Variants in CCDC93 observed in about 807,000 individuals in gnomAD.
The protein encoded by CCDC93 is CCC complex scaffolding subunit CCDC93.
Under a neutral mutation model 108.2 loss-of-function variants are expected in CCDC93, and 61 were observed. The observed-to-expected ratio is 0.56, with a 90% CI of 0.46 to 0.70. CCDC93 has a LOEUF of 0.70. Among genes scored for constraint, CCDC93 ranks in the 30% least tolerant of loss-of-function variants. CCDC93 has a pLI of 0.00. For synonymous variants in CCDC93, 276 were observed against 260.4 expected (o/e 1.06, Z -0.58); for missense variants, 685 against 764.2 (o/e 0.90, Z 1.22).
chr2:117,922,942 G>A (rs1677925236), intron 23 of CCDC93, among the ~76,000 whole-genome samples: 1 of 151,978 alleles, frequency 6.6e-6, no homozygotes, highest in Non-Finnish European at 1.5e-5. Flanking sequence ...AAGAGCTTGT[G>A]GGAGAAAGAT....
At chr2:117,973,226 G>T (rs1679820936) in intron 11 of CCDC93, among the ~76,000 whole-genome samples, 2 of 152,090 alleles carry the variant, frequency 1.3e-5, no homozygotes, top group African/African-American at 4.8e-5. Context: ...GGAAAGCAAA[G>T]CTGGATGCTT....
intron 23 of CCDC93, chr2:117,921,723 G>A (rs1677878005): frequency 6.6e-6 from 1 of 152,220 alleles, no homozygotes; most frequent in Non-Finnish European, 1.5e-5. Context: ...GCAGTGTGAT[G>A]GCAGCATGAC....
rs1677727266 is a variant in CCDC93, at chr2:117,917,622, C to G, written c.*2721G>C. 1 of 152,276 alleles carries G rather than the reference C, an allele frequency of 6.6e-6. No homozygotes were observed. Among genetic ancestry groups the G allele is most frequent in the African/African-American group, 2.4e-5 (1 of 41,452 alleles). The allele number at this position is 152,276 out of a possible 1,614,324, so 9.4% of individuals were successfully genotyped here. ...ACAACCCTCAGTGTGACTCTGACGA[C>G]TGTTTAACATTCTGTACCTCCCTCT... On this transcript the variant is annotated 3_prime_UTR_variant, in exon 24 of 24. Transcript: ENST00000376300.
At chr2:117,945,064 A>G (rs1678823722) in intron 17 of CCDC93, among the ~76,000 whole-genome samples, 1 of 152,246 alleles carries the variant, frequency 6.6e-6, no homozygotes, top group African/African-American at 2.4e-5. Flanking sequence ...ATTCATTTAC[A>G]GATCAACTAT....
At chr2:117,930,891 C>T in intron 23 of CCDC93, 146 bp downstream of exon 23, 1 of 576,102 alleles carries the variant, frequency 1.7e-6, no homozygotes, top group Non-Finnish European at 3.1e-6. Context: ...CTAGACGCCA[C>T]ACTTCACTGC....
At chr2:117,938,552 CAAGAAA>C (rs1678593123) in intron 20 of CCDC93, among the ~76,000 whole-genome samples, 1 of 44,232 alleles carries the variant, frequency 2.3e-5, no homozygotes, top group Non-Finnish European at 4.2e-5. Flanking sequence ...AAAAAAAAGA[CAAGAAA>C]AAAAAAAAAA....
intron 6 of CCDC93, among the ~76,000 whole-genome samples, chr2:117,989,266 C>G (rs373941901): frequency 2.7e-4 from 41 of 152,260 alleles, no homozygotes; most frequent in African/African-American, 6.5e-4. Flanking sequence ...CAGACTCCCC[C>G]CTGTGTGATG....
intron 18 of CCDC93, among the ~76,000 whole-genome samples, chr2:117,941,739 G>C (rs111686729): frequency 6.6e-6 from 1 of 152,162 alleles, no homozygotes; most frequent in Non-Finnish European, 1.5e-5. Flanking sequence ...TGGTTAAAAA[G>C]CTCCTGCAAC....
intron 23 of CCDC93, among the ~76,000 whole-genome samples, chr2:117,929,979 G>A (rs1475102994): frequency 5.3e-5 from 8 of 152,304 alleles, no homozygotes; most frequent in South Asian, 2.1e-4. Flanking sequence ...CCACCACAGC[G>A]TATGCTCCTT....
intron 6 of CCDC93, among the ~76,000 whole-genome samples, chr2:117,993,413 A>AT (rs1175183856): frequency 6.8e-6 from 1 of 147,380 alleles, no homozygotes; most frequent in Non-Finnish European, 1.5e-5. Context: ...AAAAAAAATT[A>AT]ATGTTTGAAT....
chr2:118,004,243 A>C (rs1344001610), intron 3 of CCDC93, among the ~76,000 whole-genome samples: 1 of 152,250 alleles, frequency 6.6e-6, no homozygotes, highest in Non-Finnish European at 1.5e-5. Context: ...AGTGCTTGGA[A>C]CACAGATGCC....
At chr2:117,951,055 T>C in intron 13 of CCDC93, 1 of 966,454 alleles carries the variant, frequency 1.0e-6, no homozygotes, top group Non-Finnish European at 1.2e-6. Flanking sequence ...ATTTAGTATT[T>C]AGTATAAAAA....
At chr2:118,009,142 G>A (rs546079691) in intron 1 of CCDC93, among the ~76,000 whole-genome samples, 7 of 151,896 alleles carry the variant, frequency 4.6e-5, no homozygotes, top group South Asian at 2.1e-4. Context: ...AGGCTGAGGC[G>A]GGCGGATCAC....
intron 4 of CCDC93, among the ~76,000 whole-genome samples, chr2:118,000,501 G>A (rs1013512608): frequency 6.6e-6 from 1 of 152,120 alleles, no homozygotes; most frequent in East Asian, 1.9e-4. Context: ...GAAAAGCAAG[G>A]AATGAAATCA....
At chr2:117,932,962 CTGAT>C (rs1488716018) in intron 22 of CCDC93, among the ~76,000 whole-genome samples, 2 of 152,290 alleles carry the variant, frequency 1.3e-5, no homozygotes, top group East Asian at 3.9e-4. Context: ...TTCACCGTGA[CTGAT>C]TATGTCCTAG....
intron 13 of CCDC93, chr2:117,950,032 T>C (rs1416787507): frequency 2.0e-6 from 2 of 985,144 alleles, no homozygotes; most frequent in African/African-American, 3.5e-5. Context: ...CAGGGCGGGG[T>C]CCCACATAGT....
intron 7 of CCDC93, among the ~76,000 whole-genome samples, chr2:117,980,382 T>C (rs898643254): frequency 6.6e-6 from 1 of 152,174 alleles, no homozygotes. Context: ...CTTTAGTCTG[T>C]GGAGACTTTT....
At position 117,946,271 on chromosome 2, in the gene CCDC93, T is replaced by G. The variant is rs565071320; in HGVS notation, c.1296+540A>C. On this transcript the variant is annotated intron_variant, in intron 16 of 23. Transcript: ENST00000376300. ...TTCCCTGTTTCTTACAATTTAAGGT[T>G]CAGTGAAAATTCATGCTAGCTCCTT... Among the ~76,000 whole-genome samples the G allele has an allele frequency of 3.9e-5, 6 of 152,306 alleles. No individual in the cohort carries two copies. The South Asian group carries it at 1.2e-3, about 32-fold the overall frequency.
intron 11 of CCDC93, among the ~76,000 whole-genome samples, chr2:117,971,643 T>C (rs898057150): frequency 3.3e-5 from 5 of 152,190 alleles, no homozygotes; most frequent in African/African-American, 1.2e-4. Context: ...AGATTAAATA[T>C]ATGGCCGAGG....
Sources: gnomAD v4.1 joint callset for allele counts (sites outside exome capture counted in the v4.1 genomes callset) on GRCh38, gnomAD v4.1.1 for gene constraint, MANE v1.5 for transcripts, NCBI Gene and HGNC (gene_info 2026-07-23, HGNC 2026-07-21) for gene names.